MON1A: variants seen among roughly 807,000 people sequenced by gnomAD.
MON1A encodes MON1 vesicular trafficking associated A.
A neutral mutation model predicts 44.6 loss-of-function variants in MON1A; 29 were observed. That is an observed-to-expected ratio of 0.65 (90% CI 0.48 to 0.89). The LOEUF (loss-of-function observed/expected upper bound fraction) is 0.89, where lower values mean the gene tolerates loss of function less well. Ranked by LOEUF, MON1A falls within the 40% of genes least tolerant of loss-of-function variation. The probability of loss-of-function intolerance (pLI) is 0.00; values close to 1 mark genes in which losing one functional copy is unlikely to be tolerated. For synonymous variants in MON1A, 275 were observed against 316.4 expected, an observed-to-expected ratio of 0.87 and a Z score of 1.39; for missense variants, 615 against 759.6, an observed-to-expected ratio of 0.81 and a Z score of 2.24.
chr3:49,917,622 C>T (rs2082956548), intron 1 of MON1A, among the ~76,000 whole-genome samples: 1 of 152,120 alleles, frequency 6.6e-6, no homozygotes, highest in Non-Finnish European at 1.5e-5. Flanking sequence ...CCTCACTTTC[C>T]TACTCCTCTA....
intron 1 of MON1A, among the ~76,000 whole-genome samples, chr3:49,920,422 A>G (rs1332329800): frequency 6.6e-6 from 1 of 152,010 alleles, no homozygotes; most frequent in East Asian, 1.9e-4. Context: ...AATTCCCTCT[A>G]CATATTAATA....
chr3:49,910,768 G>GGATCTGGT lies in MON1A; in HGVS notation c.722_729dup (p.Leu244ThrfsTer4). On this transcript the variant is annotated frameshift_variant, in exon 4 of 6. Transcript: ENST00000296473. LOFTEE classifies it high-confidence loss of function. The surrounding 1 kb of genome is among the most constrained non-coding windows in gnomAD (Gnocchi z 8.0). ...AGCTGCGCACCGGTAAGAAGGCTTA[G>GGATCTGGT]GATCTGGTAGTAGATGTAGAGCAGC... 1 of 1,614,136 alleles carries GGATCTGGT rather than the reference G, an allele frequency of 6.2e-7. No homozygotes were observed. The highest frequency in any genetic ancestry group is 8.5e-7 in the Non-Finnish European group (1 of 1,180,014).
intron 1 of MON1A, chr3:49,915,730 A>G (rs536612333): frequency 3.3e-5 from 5 of 152,168 alleles, no homozygotes; most frequent in Non-Finnish European, 7.3e-5. Context: ...ATTAAAAACA[A>G]CTATAGACAT....
Position 49,910,105 on chromosome 3 carries a change from A to G in MON1A, c.1379+14T>C, listed in dbSNP as rs1177786403. ...CTGTCCCGCTACAGCAGTGCCCTCA[A>G]GGCCCTCCCTCACCTGGTGAAGAGT... On this transcript the variant is annotated intron_variant, in intron 4 of 5. Coordinates refer to ENST00000296473, the MANE Select transcript of MON1A (RefSeq NM_032355.4). The surrounding 1 kb of genome is among the most constrained non-coding windows in gnomAD (Gnocchi z 8.0). The G allele has an allele frequency of 1.3e-6, 2 of 1,570,922 alleles. No individual in the cohort carries two copies. Among genetic ancestry groups the G allele is most frequent in the African/African-American group, 2.7e-5 (2 of 73,808 alleles).
At chr3:49,918,566 T>A (rs1019127713) in intron 1 of MON1A, among the ~76,000 whole-genome samples, 4 of 151,724 alleles carry the variant, frequency 2.6e-5, no homozygotes, top group Admixed American at 2.0e-4. Flanking sequence ...CACCCACCAC[T>A]TCGCCCGGAT....
chr3:49,909,593 G>C lies in MON1A; in HGVS notation c.1380-193C>G, dbSNP rs1383481786. On this transcript the variant is annotated intron_variant, in intron 4 of 5. Coordinates refer to ENST00000296473, the MANE Select transcript of MON1A (RefSeq NM_032355.4). This position sits in a 1 kb window ranked among gnomAD's most constrained non-coding sequence, Gnocchi z 4.0. ...GACAGGGCTGGGCCCACTGAGACTAGAGCTATGTCCCCTCTTACCCCCTAA... is the reference window on the plus strand; with the variant it reads ...GACAGGGCTGGGCCCACTGAGACTACAGCTATGTCCCCTCTTACCCCCTAA... 2.9e-6 allele frequency: 2 copies of C among 678,996 alleles called. No individual in the cohort carries two copies. Among genetic ancestry groups the C allele is most frequent in the East Asian group, 2.8e-5 (1 of 36,272 alleles). 42.1% of individuals were successfully genotyped at this position (678,996 alleles called of 1,614,324 possible).
At chr3:49,921,267 CTT>C (rs916158294) in intron 1 of MON1A, among the ~76,000 whole-genome samples, 2 of 151,508 alleles carry the variant, frequency 1.3e-5, no homozygotes, top group Non-Finnish European at 2.9e-5. Context: ...ATGCCATTCT[CTT>C]GTCTCAGCCT....
rs1374337982 is a variant in MON1A, at chr3:49,913,335, G to A, written c.12C>T (p.Asp4=). 8.7e-6 allele frequency: 14 copies of A among 1,612,110 alleles called. No individual in the cohort carries two copies. The highest frequency in any genetic ancestry group is 1.2e-5 in the Non-Finnish European group (14 of 1,178,386). ...ATTCGCTGCTTCTCTTCCTCTGCAT[G>A]TCAGTAGCCATCCTTTGAGCTCTCC... MAT[D]MQRKRSSECL... Residue 4 remains aspartate (D), a synonymous_variant, in exon 2 of 6, where the codon GAC becomes GAT. Coordinates refer to ENST00000296473, the MANE Select transcript of MON1A (RefSeq NM_032355.4).
intron 1 of MON1A, among the ~76,000 whole-genome samples, chr3:49,921,492 C>T (rs1213469726): frequency 5.4e-5 from 8 of 148,756 alleles, no homozygotes; most frequent in Non-Finnish European, 5.9e-5. Flanking sequence ...AAAAAAAGGC[C>T]GGGTGCAGTG....
At chr3:49,927,082 C>G (rs937000195) in intron 1 of MON1A, among the ~76,000 whole-genome samples, 1 of 152,122 alleles carries the variant, frequency 6.6e-6, no homozygotes, top group Non-Finnish European at 1.5e-5. Context: ...CCCAGCTGAA[C>G]TTGTGTTTTT....
In MON1A at chr3:49,911,579, G is replaced by A; in HGVS notation, c.560C>T (p.Ala187Val). 6.2e-7 allele frequency: 1 copy of A among 1,613,874 alleles called. No individual in the cohort carries two copies. Among genetic ancestry groups the A allele is most frequent in the Non-Finnish European group, 8.5e-7 (1 of 1,179,828 alleles). The change falls in exon 3 of 6, where the codon GCC becomes GTC. Residue 187 changes from alanine to valine, a missense_variant. Physicochemically the swap from Ala to Val is moderately conservative, Grantham distance 64 (BLOSUM62 0). Transcript: ENST00000296473. This position sits in a 1 kb window ranked among gnomAD's most constrained non-coding sequence, Gnocchi z 5.7. ...GTCTGCCTCCAGGAAGGACACCAGG[G>A]CCACCATAACACCCATAGTGCTGGA... ...ALSSTMGVMV[A>V]LVSFLEADKN...
chr3:49,910,730 G>A lies in MON1A; in HGVS notation c.768C>T (p.Phe256=), dbSNP rs145479914. The change falls in exon 4 of 6, where the codon TTC becomes TTT. Residue 256 remains phenylalanine, a synonymous_variant. Transcript: ENST00000296473. The surrounding 1 kb of genome is among the most constrained non-coding windows in gnomAD (Gnocchi z 8.0). ...GCAAATCATAGTTCTGCTTCTGCTG[G>A]AAGATGTGGCTCAGCTGCGCACCGG... The part of the protein sequence containing the change: ...LLTGAQLSHI[F]QQKQNYDLRR... The A allele has an allele frequency of 1.3e-3, 2,062 of 1,614,042 alleles. 2 individuals are homozygous for A. The highest frequency in any genetic ancestry group is 1.4e-3 in the Non-Finnish European group (1,704 of 1,179,962).
Position 49,909,503 on chromosome 3 carries a change from T to C in MON1A, c.1380-103A>G. ...TCCTATCCAGGAAGACTCTATCTTA[T>C]GTCCTACCCTCCAGGTGCTCCCTTA... On this transcript the variant is annotated intron_variant, in intron 4 of 5. Transcript: ENST00000296473. This position sits in a 1 kb window ranked among gnomAD's most constrained non-coding sequence, Gnocchi z 4.0. The C allele has an allele frequency of 6.8e-7, 1 of 1,470,022 alleles. No individual in the cohort carries two copies. The allele number at this position is 1,470,022 out of a possible 1,614,324, so 91.1% of individuals were successfully genotyped here. A position where few individuals can be genotyped will look rare whatever the true frequency, so the allele number is the denominator to read the frequency against.
chr3:49,911,601 T>C lies in MON1A; in HGVS notation c.538A>G (p.Ser180Gly), dbSNP rs1477037361. Residue 180 changes from serine (S) to glycine (G), a missense_variant, in exon 3 of 6, where the codon AGC becomes GGC. Transcript: ENST00000296473. This position sits in a 1 kb window ranked among gnomAD's most constrained non-coding sequence, Gnocchi z 5.7. Reference sequence around the variant, plus strand: ...AGGGCCACCATAACACCCATAGTGCTGGAAAGTGCCTCCTCAGACCCATAG... The same window carrying C: ...AGGGCCACCATAACACCCATAGTGCCGGAAAGTGCCTCCTCAGACCCATAG... ...SRYGSEEALSSTMGVMVALVS... is the reference protein window; with the variant it reads ...SRYGSEEALSGTMGVMVALVS... The C allele has an allele frequency of 6.2e-7, 1 of 1,614,174 alleles. No homozygotes were observed. Among genetic ancestry groups the C allele is most frequent in the East Asian group, 2.2e-5 (1 of 44,890 alleles).
At position 49,911,190 on chromosome 3, in the gene MON1A, T is replaced by TTAGATAGATAGA. The variant is rs10564221; in HGVS notation, c.614-318_614-307dup. Among the ~76,000 whole-genome samples, 889 of 95,544 alleles carry TTAGATAGATAGA rather than the reference T, an allele frequency of 9.3e-3. 5 individuals are homozygous for TTAGATAGATAGA. Among genetic ancestry groups the TTAGATAGATAGA allele is most frequent in the East Asian group, 0.016 (65 of 4,176 alleles). 62.7% of individuals were successfully genotyped at this position (95,544 alleles called of 152,430 possible). A position where few individuals can be genotyped will look rare whatever the true frequency, so the allele number is the denominator to read the frequency against. ...GCTCAGGACCTGGGAGATAGATAGA[T>TTAGATAGATAGA]TAGATAGATAGATAGATAGATAGAT... On this transcript the variant is annotated intron_variant, in intron 3 of 5. Transcript: ENST00000296473. The surrounding 1 kb of genome is among the most constrained non-coding windows in gnomAD (Gnocchi z 5.7).
At chr3:49,912,082 CGTG>C (rs1342273349) in intron 2 of MON1A, 71 bp from the exon 3 acceptor site, 1 of 1,507,668 alleles carries the variant, frequency 6.6e-7, no homozygotes, top group Non-Finnish European at 8.9e-7. Flanking sequence ...AGGTGCCTAA[CGTG>C]GTCACTCCAG....
In MON1A at chr3:49,910,853, G is replaced by T. The variant is rs2082869913; in HGVS notation, c.645C>A (p.Ser215Arg). 6.2e-7 allele frequency: 1 copy of T among 1,611,696 alleles called. No homozygotes were observed. The highest frequency in any genetic ancestry group is 8.5e-7 in the Non-Finnish European group (1 of 1,178,334). ...DGYKVVFVRR[S>R]PLVLVAVART... ...GAGCCACCGCCACTAGCACCAGCGG[G>T]CTCCGGCGCACGAATACTACCTTGT... Residue 215 changes from serine (S) to arginine (R), a missense_variant, in exon 4 of 6, where the codon AGC becomes AGA. Transcript: ENST00000296473. The surrounding 1 kb of genome is among the most constrained non-coding windows in gnomAD (Gnocchi z 8.0).
chr3:49,909,181 C>T lies in MON1A; in HGVS notation c.1528-27G>A, dbSNP rs185045953. ...TGGAGAAGGGGCAAAGGGTCGTCAT[C>T]TAGGTTAGAGGCCCCTCATGGCCCA... On this transcript the variant is annotated intron_variant, in intron 5 of 5. Transcript: ENST00000296473. The surrounding 1 kb of genome is among the most constrained non-coding windows in gnomAD (Gnocchi z 4.0). The T allele has an allele frequency of 7.5e-5, 120 of 1,610,176 alleles. 1 individual carries two copies. In the East Asian group the frequency reaches 1.7e-3, roughly 23 times the overall value.
Position 49,909,349 on chromosome 3 carries a change from C to T in MON1A, c.1431G>A (p.Leu477=), listed in dbSNP as rs2108528636. Residue 477 remains leucine, a synonymous_variant, in exon 5 of 6, where the codon CTG becomes CTA. Transcript: ENST00000296473. This position sits in a 1 kb window ranked among gnomAD's most constrained non-coding sequence, Gnocchi z 4.0. ...GACTGTGCAAGTACTGGTAGAGGCCCAGCAGCCGCTCCTGCTCCTCTTCAC... is the reference window on the plus strand; with the variant it reads ...GACTGTGCAAGTACTGGTAGAGGCCTAGCAGCCGCTCCTGCTCCTCTTCAC... The part of the protein sequence containing the change: ...YTSEEEQERL[L]GLYQYLHSRA... 2 of 1,614,030 alleles carry T rather than the reference C, an allele frequency of 1.2e-6. No individual in the cohort carries two copies. The highest frequency in any genetic ancestry group is 1.1e-5 in the South Asian group (1 of 91,076).
Sources: allele counts gnomAD v4.1 joint callset (sites outside exome capture counted in the v4.1 genomes callset), GRCh38; gene constraint gnomAD v4.1.1; non-coding constraint Gnocchi (gnomAD v3.1); transcripts MANE v1.5; gene names NCBI Gene and HGNC (gene_info 2026-07-23, HGNC 2026-07-21).